The following ADARB2 variants were observed in gnomAD, a reference collection of about 807,000 sequenced individuals.
ADARB2 encodes inactive double-stranded RNA-specific editase B2.
Under a neutral mutation model 62.2 loss-of-function variants are expected in ADARB2, and 25 were observed. The observed-to-expected ratio is 0.40, with a 90% confidence interval of 0.29 to 0.56. The LOEUF (loss-of-function observed/expected upper bound fraction) is 0.56, where lower values mean the gene tolerates loss of function less well. Ranked by LOEUF, ADARB2 falls within the 20% of genes least tolerant of loss-of-function variation. ADARB2 has a pLI of 0.43. For synonymous variants in ADARB2, 572 were observed against 500.8 expected, an observed-to-expected ratio of 1.14 and a Z score of -1.90; for missense variants, 1,071 against 1,077.4, an observed-to-expected ratio of 0.99 and a Z score of 0.08.
At chr10:1,584,764 T>C (rs762478957) in intron 1 of ADARB2, among the ~76,000 whole-genome samples, 1 of 152,172 alleles carries the variant, frequency 6.6e-6, no homozygotes, top group Non-Finnish European at 1.5e-5. Flanking sequence ...AGCTATTCAG[T>C]GCTTGAAAGA....
chr10:1,621,949 AG>A (rs1833709180), intron 1 of ADARB2, among the ~76,000 whole-genome samples: 1 of 152,218 alleles, frequency 6.6e-6, no homozygotes. Flanking sequence ...AGAAAGAAAA[AG>A]GTTGGAAAAC....
At position 1,472,763 on chromosome 10, in the gene ADARB2, G is replaced by A. The variant is rs1407095090; in HGVS notation, c.101-93603C>T. On this transcript the variant is annotated intron_variant, in intron 1 of 9. Transcript: ENST00000381312. ...TTTAGCGATGGGAGGGCCCTGCCTG[G>A]GGATCTGCAGGGTGGGGGCAGGGCC... Among the ~76,000 whole-genome samples, 3 of 151,958 alleles carry A rather than the reference G, an allele frequency of 2.0e-5. No homozygotes were observed. The East Asian group carries it at 5.8e-4, about 29-fold the overall frequency.
intron 1 of ADARB2, among the ~76,000 whole-genome samples, chr10:1,435,576 T>C (rs555730382): frequency 6.7e-6 from 1 of 148,670 alleles, no homozygotes; most frequent in East Asian, 1.9e-4. Flanking sequence ...CATCCTGCAG[T>C]GTCCTCTCAT....
chr10:1,736,769 G>T (rs1032455959), intron 1 of ADARB2, among the ~76,000 whole-genome samples: 1 of 152,206 alleles, frequency 6.6e-6, no homozygotes, highest in South Asian at 2.1e-4. Flanking sequence ...GCCCGGAGAC[G>T]CGCGGGGTCC....
chr10:1,573,278 G>T (rs1411783678), intron 1 of ADARB2, among the ~76,000 whole-genome samples: 2 of 152,102 alleles, frequency 1.3e-5, no homozygotes, highest in African/African-American at 4.8e-5. Context: ...GATGAGCCCC[G>T]GTGGGGCTGT....
intron 1 of ADARB2, among the ~76,000 whole-genome samples, chr10:1,533,765 A>C (rs1469890993): frequency 6.6e-6 from 1 of 152,192 alleles, no homozygotes; most frequent in South Asian, 2.1e-4. Flanking sequence ...CCTCGGAGTA[A>C]CATCAGCGTA....
At chr10:1,458,801 C>A (rs559321035) in intron 1 of ADARB2, among the ~76,000 whole-genome samples, 1 of 152,266 alleles carries the variant, frequency 6.6e-6, no homozygotes, top group South Asian at 2.1e-4. Flanking sequence ...CTCATGTGTA[C>A]ATTTCTAAGT....
chr10:1,333,419 G>C (rs1831946584), intron 3 of ADARB2, among the ~76,000 whole-genome samples: 1 of 152,170 alleles, frequency 6.6e-6, no homozygotes, highest in Admixed American at 6.5e-5. Context: ...GGGAGAGCCA[G>C]GGTTCAGATC....
chr10:1,587,354 C>T (rs1188799101), intron 1 of ADARB2, among the ~76,000 whole-genome samples: 1 of 152,180 alleles, frequency 6.6e-6, no homozygotes, highest in African/African-American at 2.4e-5. Flanking sequence ...AGGTTCCAGT[C>T]CTCATCCAGA....
At chr10:1,507,849 C>G (rs1271020980) in intron 1 of ADARB2, among the ~76,000 whole-genome samples, 1 of 152,180 alleles carries the variant, frequency 6.6e-6, no homozygotes, top group Non-Finnish European at 1.5e-5. Flanking sequence ...CCCTCCCAGT[C>G]CTGGATTTGA....
intron 1 of ADARB2, among the ~76,000 whole-genome samples, chr10:1,592,187 A>C (rs80055743): frequency 2.6e-5 from 4 of 152,104 alleles, no homozygotes; most frequent in African/African-American, 9.7e-5. Flanking sequence ...ATAAGCTCAG[A>C]TGCCCTCGCA....
At chr10:1,491,138 T>A (rs1831616306) in intron 1 of ADARB2, among the ~76,000 whole-genome samples, 1 of 152,294 alleles carries the variant, frequency 6.6e-6, no homozygotes, top group South Asian at 2.1e-4. Flanking sequence ...AGTGGCATGA[T>A]CATGGCTCAC....
At chr10:1,502,123 T>G (rs1287173480) in intron 1 of ADARB2, among the ~76,000 whole-genome samples, 1 of 152,182 alleles carries the variant, frequency 6.6e-6, no homozygotes, top group Non-Finnish European at 1.5e-5. Context: ...TCCACCTGGG[T>G]GCCATCAAGA....
At chr10:1,226,758 C>G (rs375617122) in intron 6 of ADARB2, among the ~76,000 whole-genome samples, 2 of 152,204 alleles carry the variant, frequency 1.3e-5, no homozygotes, top group Admixed American at 6.5e-5. Context: ...TCTGCCTGAT[C>G]GTTCCTCTGG....
chr10:1,724,485 C>T (rs1835137501), intron 1 of ADARB2, among the ~76,000 whole-genome samples: 1 of 152,204 alleles, frequency 6.6e-6, no homozygotes, highest in Non-Finnish European at 1.5e-5. Context: ...TCCATCAGAG[C>T]CAGTCCCCCA....
At chr10:1,560,444 C>T (rs941206765) in intron 1 of ADARB2, among the ~76,000 whole-genome samples, 4 of 151,020 alleles carry the variant, frequency 2.6e-5, no homozygotes, top group African/African-American at 4.9e-5. Context: ...CACCCTGGGT[C>T]GTCACACACG....
intron 1 of ADARB2, among the ~76,000 whole-genome samples, chr10:1,657,741 G>T (rs1177659568): frequency 6.6e-6 from 1 of 152,212 alleles, no homozygotes; most frequent in Admixed American, 6.5e-5. Flanking sequence ...CATGGTGAGA[G>T]CTTCCTTTGC....
At chr10:1,220,242 A>C (rs946198392) in intron 6 of ADARB2, among the ~76,000 whole-genome samples, 54 of 59,658 alleles carry the variant, frequency 9.1e-4, no homozygotes, top group Admixed American at 1.6e-3. Context: ...TGGTGGTGAT[A>C]ATGGTGGTGG....
intron 3 of ADARB2, among the ~76,000 whole-genome samples, chr10:1,354,083 G>A (rs1321697669): frequency 9.9e-5 from 15 of 151,924 alleles, no homozygotes; most frequent in South Asian, 2.1e-4. Flanking sequence ...AGGTTTCCAC[G>A]CCACCCCTAA....
Sources: gnomAD v4.1 joint callset for allele counts (sites outside exome capture counted in the v4.1 genomes callset) on GRCh38, gnomAD v4.1.1 for gene constraint, MANE v1.5 for transcripts, NCBI Gene and HGNC (gene_info 2026-07-23, HGNC 2026-07-21) for gene names.